The following FANCC variants were observed in gnomAD, a reference collection of about 807,000 sequenced individuals.
FANCC encodes Fanconi anemia group C protein.
FANCC carries 55 observed loss-of-function variants against 71.3 expected under a neutral mutation model. The ratio of observed to expected loss-of-function variants is 0.77; its 90% confidence interval spans 0.62 to 0.97. The LOEUF is 0.97. FANCC is among the 50% of genes least tolerant of loss of function. FANCC has a pLI of 0.00. For synonymous variants in FANCC, 275 were observed against 244.9 expected (o/e 1.12, Z -1.15); for missense variants, 678 against 670.9 (o/e 1.01, Z -0.12).
intron 4 of FANCC, among the ~76,000 whole-genome samples, chr9:95,223,936 C>T (rs989450684): frequency 6.6e-6 from 1 of 152,164 alleles, no homozygotes; most frequent in African/African-American, 2.4e-5. Context: ...AAGATCGTGC[C>T]GTTGCACTCC....
At chr9:95,187,155 G>C (rs1462514596) in intron 4 of FANCC, among the ~76,000 whole-genome samples, 6 of 152,196 alleles carry the variant, frequency 3.9e-5, no homozygotes, top group Admixed American at 3.9e-4. Context: ...CTTTGAGGAA[G>C]TTCACAGAAG....
At chr9:95,280,756 C>G (rs778515254) in intron 1 of FANCC, among the ~76,000 whole-genome samples, 5 of 152,150 alleles carry the variant, frequency 3.3e-5, no homozygotes, top group Non-Finnish European at 7.4e-5. Flanking sequence ...AGCTGCCTGA[C>G]AGAAATTCAA....
chr9:95,134,395 G>C (rs1488077381), intron 8 of FANCC, among the ~76,000 whole-genome samples: 1 of 152,138 alleles, frequency 6.6e-6, no homozygotes, highest in South Asian at 2.1e-4. Context: ...TCAAGGGCGA[G>C]GGTGAACACT....
chr9:95,196,054 C>G (rs1334568052), intron 4 of FANCC, among the ~76,000 whole-genome samples: 1 of 152,156 alleles, frequency 6.6e-6, no homozygotes, highest in Non-Finnish European at 1.5e-5. Context: ...ACGATTATAT[C>G]ATTTGCAAAT....
At chr9:95,110,133 C>T (rs1469310385) in intron 13 of FANCC, 1 of 509,058 alleles carries the variant, frequency 2.0e-6, no homozygotes, top group Non-Finnish European at 2.5e-6. Flanking sequence ...CCTAGGCATC[C>T]CCTGAGGGAG....
intron 1 of FANCC, among the ~76,000 whole-genome samples, chr9:95,272,764 T>C (rs1564816788): frequency 6.6e-6 from 1 of 152,206 alleles, no homozygotes; most frequent in Non-Finnish European, 1.5e-5. Context: ...AGCTTTTCAC[T>C]TACTGGCAGG....
At chr9:95,248,631 CAT>C (rs1831143267) in intron 2 of FANCC, among the ~76,000 whole-genome samples, 1 of 151,554 alleles carries the variant, frequency 6.6e-6, no homozygotes, top group Admixed American at 6.6e-5. Flanking sequence ...ATAAAAGAAA[CAT>C]GACATCAAAA....
intron 9 of FANCC, among the ~76,000 whole-genome samples, chr9:95,125,491 C>T (rs1248842955): frequency 6.6e-6 from 1 of 152,156 alleles, no homozygotes; most frequent in Admixed American, 6.5e-5. Flanking sequence ...TGCCTGGACA[C>T]GCAACATCAA....
chr9:95,229,297 C>CAA (rs34502007), intron 4 of FANCC, among the ~76,000 whole-genome samples: 2,492 of 99,318 alleles, frequency 0.025, 81 homozygotes, highest in African/African-American at 0.084. Flanking sequence ...GATTCCTTCT[C>CAA]AAAAAAAAAA....
intron 4 of FANCC, among the ~76,000 whole-genome samples, chr9:95,193,743 G>A (rs1285920732): frequency 6.6e-6 from 1 of 152,194 alleles, no homozygotes; most frequent in African/African-American, 2.4e-5. Flanking sequence ...TGCAAGGGCG[G>A]CAATGGCAAT....
chr9:95,225,454 A>G (rs766863856), intron 4 of FANCC, among the ~76,000 whole-genome samples: 40 of 152,196 alleles, frequency 2.6e-4, no homozygotes, highest in Non-Finnish European at 2.9e-5. Context: ...CAATAGGGGA[A>G]GAGGCATCAG....
At chr9:95,193,866 G>C (rs1489996944) in intron 4 of FANCC, among the ~76,000 whole-genome samples, 2 of 152,212 alleles carry the variant, frequency 1.3e-5, no homozygotes, top group Non-Finnish European at 2.9e-5. Context: ...TTTCAGCCTA[G>C]CCAGAACGAA....
At position 95,135,376 on chromosome 9, in the gene FANCC, C is replaced by A. The variant is rs2135165634; in HGVS notation, c.813G>T (p.Arg271Ser). The A allele has an allele frequency of 3.1e-6, 5 of 1,614,098 alleles. No individual in the cohort carries two copies. The highest frequency in any genetic ancestry group is 4.2e-6 in the Non-Finnish European group (5 of 1,180,014). ...ATGAATCTTTTATAAAGCATTCGATCCTTCTCAGACAATTTCTCTCACTGG... is the reference window on the plus strand; with the variant it reads ...ATGAATCTTTTATAAAGCATTCGATACTTCTCAGACAATTTCTCTCACTGG... ...LISSERNCLR[R>S]IECFIKDSSL... is the part of the protein sequence containing the mutation. Residue 271 changes from arginine (R) to serine (S), a missense_variant, in exon 8 of 15, where the codon AGG becomes AGT. Transcript: ENST00000289081.
Position 95,259,274 on chromosome 9 carries a change from T to C in FANCC, c.-78-9905A>G, listed in dbSNP as rs185139764. ...AAGAACAAAGGTGGAGACATCGCAC[T>C]ACCTGACTTCAAATTATATACTACA... On this transcript the variant is annotated intron_variant, in intron 1 of 14. Coordinates refer to ENST00000289081, the MANE Select transcript of FANCC (RefSeq NM_000136.3). 2.4e-3 allele frequency among the ~76,000 whole-genome samples: 371 copies of C among 152,274 alleles called. 2 individuals carry two copies. Among genetic ancestry groups the C allele is most frequent in the South Asian group, 0.019 (93 of 4,826 alleles).
At chr9:95,220,085 C>A (rs1404056601) in intron 4 of FANCC, among the ~76,000 whole-genome samples, 1 of 152,146 alleles carries the variant, frequency 6.6e-6, no homozygotes, top group Non-Finnish European at 1.5e-5. Context: ...CTCAAAAGAA[C>A]ACATTTATGC....
At chr9:95,289,081 A>C in intron 1 of FANCC, among the ~76,000 whole-genome samples, 1 of 152,176 alleles carries the variant, frequency 6.6e-6, no homozygotes, top group Non-Finnish European at 1.5e-5. Context: ...CAGCCTAGAC[A>C]AAAGAGCAAG....
At chr9:95,308,232 CTTAGGCTTAA>C (rs1433617576) in intron 1 of FANCC, among the ~76,000 whole-genome samples, 1 of 151,970 alleles carries the variant, frequency 6.6e-6, no homozygotes, top group African/African-American at 2.4e-5. Flanking sequence ...AATTAAACAT[CTTAGGCTTAA>C]TTTTTTTTTC....
chr9:95,271,063 C>T (rs779215743), intron 1 of FANCC, among the ~76,000 whole-genome samples: 2 of 152,156 alleles, frequency 1.3e-5, no homozygotes, highest in Admixed American at 1.3e-4. Context: ...CAAGGACAGT[C>T]GTGCCCCAGA....
intron 4 of FANCC, among the ~76,000 whole-genome samples, chr9:95,199,533 C>T (rs1279034762): frequency 2.0e-5 from 3 of 152,186 alleles, no homozygotes; most frequent in Non-Finnish European, 2.9e-5. Context: ...TCTCCCAGGG[C>T]GTGGTCTCTC....
Sources: gnomAD v4.1 joint callset for allele counts (sites outside exome capture counted in the v4.1 genomes callset) on GRCh38, gnomAD v4.1.1 for gene constraint, MANE v1.5 for transcripts, NCBI Gene and HGNC (gene_info 2026-07-23, HGNC 2026-07-21) for gene names.